Variants in SHISAL1 observed in about 807,000 individuals in gnomAD.
SHISAL1 encodes the protein shisa like 1.
SHISAL1 carries 9 observed loss-of-function variants against 22.6 expected under a neutral mutation model. The ratio of observed to expected loss-of-function variants is 0.40; its 90% confidence interval spans 0.24 to 0.70. The LOEUF (loss-of-function observed/expected upper bound fraction) is 0.70, where lower values mean the gene tolerates loss of function less well. SHISAL1 is among the 30% of genes least tolerant of loss of function. SHISAL1 has a pLI of 0.39. For missense variants in SHISAL1, 246 were observed against 270.6 expected (o/e 0.91, Z 0.64); for synonymous variants, 119 against 115.4 (o/e 1.03, Z -0.20).
chr22:44,273,252 A>G (rs1223243472), intron 4 of SHISAL1, among the ~76,000 whole-genome samples: 1 of 152,178 alleles, frequency 6.6e-6, no homozygotes, highest in Non-Finnish European at 1.5e-5. Flanking sequence ...TCCCCAGGGG[A>G]AGAAAACCCT....
At position 44,249,810 on chromosome 22, in the gene SHISAL1, TGCG is replaced by T; in HGVS notation, c.*-128_*-126del. 9 of 703,822 alleles carry T rather than the reference TGCG, an allele frequency of 1.3e-5. No individual in the cohort carries two copies. In the South Asian group the frequency reaches 1.4e-4, roughly 11 times the overall value. 43.6% of individuals were successfully genotyped at this position (703,822 alleles called of 1,614,324 possible). A position where few individuals can be genotyped will look rare whatever the true frequency, so the allele number is the denominator to read the frequency against. ...CATGTGGGTTTTGTCTTCTGAACAT[TGCG>T]AACCATGTGACTTTAAGACTGGAAG... On this transcript the variant is annotated intron_variant, in intron 4 of 4. Coordinates refer to ENST00000381176, the MANE Select transcript of SHISAL1 (RefSeq NM_001099294.2).
At chr22:44,305,026 T>G (rs889460955) in intron 1 of SHISAL1, among the ~76,000 whole-genome samples, 1 of 152,138 alleles carries the variant, frequency 6.6e-6, no homozygotes, top group Non-Finnish European at 1.5e-5. Flanking sequence ...GCGGGGCTGA[T>G]GTTCACCCCT....
chr22:44,310,195 G>A lies in SHISAL1; in HGVS notation c.-33+2556C>T, dbSNP rs1328623935. ...ACATCCCCGAACCCAGCCCTGCTGA[G>A]ACCATTTCGTTTTTGCTCATCTCTA... On this transcript the variant is annotated intron_variant, in intron 1 of 4. Coordinates refer to ENST00000381176, the MANE Select transcript of SHISAL1 (RefSeq NM_001099294.2). This position sits in a 1 kb window ranked among gnomAD's most constrained non-coding sequence, Gnocchi z 4.0. Among the ~76,000 whole-genome samples the A allele has an allele frequency of 3.9e-5, 6 of 152,338 alleles. No individual in the cohort carries two copies. The highest frequency in any genetic ancestry group is 3.9e-4 in the East Asian group (2 of 5,190).
chr22:44,258,301 T>C (rs544008080), intron 4 of SHISAL1, among the ~76,000 whole-genome samples: 16 of 151,438 alleles, frequency 1.1e-4, no homozygotes, highest in African/African-American at 3.6e-4. Flanking sequence ...AGCGAGACTC[T>C]GTCTCAAAAA....
chr22:44,249,519 T>G lies in SHISAL1; in HGVS notation c.*166A>C. On this transcript the variant is annotated 3_prime_UTR_variant, in exon 5 of 5. Coordinates refer to ENST00000381176, the MANE Select transcript of SHISAL1 (RefSeq NM_001099294.2). ...CCTACCCCTGAGTTTGCTCCTAATC[T>G]TAGAAGTCCGCGGAAGGGGGCTTTG... 3.8e-6 allele frequency: 2 copies of G among 520,270 alleles called. No individual in the cohort carries two copies. The highest frequency in any genetic ancestry group is 3.6e-6 in the Non-Finnish European group (1 of 274,206). The allele number at this position is 520,270 out of a possible 1,614,324, so 32.2% of individuals were successfully genotyped here.
chr22:44,279,958 A>G (rs1372303269), intron 4 of SHISAL1, among the ~76,000 whole-genome samples: 1 of 152,096 alleles, frequency 6.6e-6, no homozygotes, highest in East Asian at 1.9e-4. Context: ...AGATGTACAC[A>G]TGATCGATCC....
intron 4 of SHISAL1, among the ~76,000 whole-genome samples, chr22:44,260,411 G>T (rs1243914892): frequency 1.3e-5 from 2 of 152,248 alleles, no homozygotes. Context: ...AGGACCTGGT[G>T]ACAATTCAGT....
chr22:44,306,854 G>A (rs2055482106), intron 1 of SHISAL1, among the ~76,000 whole-genome samples: 1 of 148,666 alleles, frequency 6.7e-6, no homozygotes, highest in South Asian at 2.1e-4. Flanking sequence ...CTGTGATGAC[G>A]ATGGCGTGTG....
At chr22:44,281,191 C>G (rs549896506) in intron 4 of SHISAL1, among the ~76,000 whole-genome samples, 1 of 152,272 alleles carries the variant, frequency 6.6e-6, no homozygotes, top group Admixed American at 6.5e-5. Context: ...CAGACCCTGT[C>G]CCAGACCCCT....
intron 3 of SHISAL1, among the ~76,000 whole-genome samples, chr22:44,291,849 G>T (rs975782569): frequency 2.0e-5 from 3 of 151,976 alleles, no homozygotes; most frequent in African/African-American, 7.3e-5. Flanking sequence ...TCCACAGATC[G>T]CCCAGGGACC....
chr22:44,258,293 C>T (rs1293377053), intron 4 of SHISAL1, among the ~76,000 whole-genome samples: 5 of 151,480 alleles, frequency 3.3e-5, no homozygotes, highest in South Asian at 2.1e-4. Context: ...GGTGGCAGAG[C>T]GAGACTCTGT....
At chr22:44,319,152 G>A in the SHISAL1 span, among the ~76,000 whole-genome samples, 17,631 of 152,310 alleles carry the variant, frequency 0.12, 1,458 homozygotes, top group African/African-American at 0.23. Flanking sequence ...GGCCTCGCAC[G>A]CGGTGGAGAC....
At chr22:44,255,197 T>C (rs2055076273) in intron 4 of SHISAL1, among the ~76,000 whole-genome samples, 2 of 152,270 alleles carry the variant, frequency 1.3e-5, no homozygotes, top group South Asian at 4.1e-4. Context: ...TATATTTTTT[T>C]TGAGATGGAG....
chr22:44,271,735 G>GT (rs1012348364), intron 4 of SHISAL1, among the ~76,000 whole-genome samples: 1 of 152,120 alleles, frequency 6.6e-6, no homozygotes, highest in African/African-American at 2.4e-5. Flanking sequence ...AACTAAATTG[G>GT]TTTTTTGGGA....
rs1265379657 is a variant in SHISAL1, at chr22:44,285,371, CA to C, written c.599+56del. ...ATGGCGAGAGTGATGGCGTATTCTC[CA>C]AGCTCTCCAAAGACAATGACCCAAA... On this transcript the variant is annotated intron_variant, in intron 4 of 4. Coordinates refer to ENST00000381176, the MANE Select transcript of SHISAL1 (RefSeq NM_001099294.2). The C allele has an allele frequency of 5.1e-6, 8 of 1,557,656 alleles. No individual in the cohort carries two copies. In the African/African-American group the frequency reaches 1.1e-4, roughly 21 times the overall value.
the SHISAL1 span, among the ~76,000 whole-genome samples, chr22:44,326,401 A>G: frequency 6.6e-6 from 1 of 152,262 alleles, no homozygotes; most frequent in African/African-American, 2.4e-5. Flanking sequence ...AGAGCCGGCC[A>G]TCCCCTCCCT....
chr22:44,266,528 ATGTGTGTGTGTGTGTG>A (rs11473448), intron 4 of SHISAL1, among the ~76,000 whole-genome samples: 2 of 108,328 alleles, frequency 1.8e-5, no homozygotes, highest in Admixed American at 1.1e-4. Flanking sequence ...GCTTTGGGGT[ATGTGTGTGTGTGTGTG>A]TGTGTGTGTG....
the SHISAL1 span, among the ~76,000 whole-genome samples, chr22:44,322,114 G>A: frequency 6.6e-6 from 1 of 152,212 alleles, no homozygotes; most frequent in Non-Finnish European, 1.5e-5. Context: ...CCAAATCCTG[G>A]CTTTGCAACA....
chr22:44,268,169 C>G (rs2055178028), intron 4 of SHISAL1, among the ~76,000 whole-genome samples: 1 of 152,214 alleles, frequency 6.6e-6, no homozygotes, highest in Non-Finnish European at 1.5e-5. Context: ...TTTAATGCTG[C>G]TTTGGTAAAT....
Sources: allele counts gnomAD v4.1 joint callset (sites outside exome capture counted in the v4.1 genomes callset), GRCh38; gene constraint gnomAD v4.1.1; non-coding constraint Gnocchi (gnomAD v3.1); transcripts MANE v1.5; gene names NCBI Gene and HGNC (gene_info 2026-07-23, HGNC 2026-07-21).